Variants in FBXW7 observed in about 807,000 individuals in gnomAD.
FBXW7 encodes the protein F-box and WD repeat domain containing 7.
A neutral mutation model predicts 86.3 loss-of-function variants in FBXW7; 11 were observed. The observed-to-expected ratio is 0.13, with a 90% CI of 0.08 to 0.21. The LOEUF is 0.21. Among genes scored for constraint, FBXW7 ranks in the 10% least tolerant of loss-of-function variants. The probability of loss-of-function intolerance (pLI) is 1.00; values close to 1 mark genes in which losing one functional copy is unlikely to be tolerated. For synonymous variants in FBXW7, 313 were observed against 297.9 expected (o/e 1.05, Z -0.52); for missense variants, 488 against 847.4 (o/e 0.58, Z 5.27).
In FBXW7 at chr4:152,497,343, C is replaced by CACACA. The variant is rs769791117; in HGVS notation, c.-120+37597_-120+37598insTGTGT. Among the ~76,000 whole-genome samples the CACACA allele has an allele frequency of 5.8e-5, 5 of 86,938 alleles. No homozygotes were observed. In the East Asian group the frequency reaches 1.1e-3, roughly 19 times the overall value. The allele number at this position is 86,938 out of a possible 152,430, so 57.0% of individuals were successfully genotyped here. On this transcript the variant is annotated intron_variant, in intron 2 of 13. Coordinates refer to ENST00000281708, the MANE Select transcript of FBXW7 (RefSeq NM_001349798.2). The stretch of plus-strand genomic sequence containing the variant: ...TCTCAAAAAAAAAAAAAAAAAAAAA[C>CACACA]CACACACACACACACACACACACAC...
chr4:152,440,968 T>C (rs1214491020), intron 2 of FBXW7, among the ~76,000 whole-genome samples: 2 of 152,072 alleles, frequency 1.3e-5, no homozygotes, highest in Non-Finnish European at 2.9e-5. Context: ...CTAAGCGTCA[T>C]GTCTCTTCTA....
rs141165208 is a variant in FBXW7, at chr4:152,439,312, A to G, written c.-119-26783T>C. 1.7e-3 allele frequency among the ~76,000 whole-genome samples: 262 copies of G among 152,250 alleles called. 1 individual carries two copies. Among genetic ancestry groups the G allele is most frequent in the Admixed American group, 6.7e-3 (102 of 15,282 alleles). On this transcript the variant is annotated intron_variant, in intron 2 of 13. Coordinates refer to ENST00000281708, the MANE Select transcript of FBXW7 (RefSeq NM_001349798.2). Reference sequence around the variant, plus strand: ...ATTTACTAGTTTTCACAATTTCATCATAAGTAGAAATGAATGTTCTCGAGG... The same window carrying G: ...ATTTACTAGTTTTCACAATTTCATCGTAAGTAGAAATGAATGTTCTCGAGG...
intron 4 of FBXW7, among the ~76,000 whole-genome samples, chr4:152,358,263 G>A (rs1441948475): frequency 6.6e-6 from 1 of 152,054 alleles, no homozygotes; most frequent in Non-Finnish European, 1.5e-5. Context: ...CATGGAGAAA[G>A]AATGAAATCA....
At chr4:152,494,548 G>A (rs755204424) in intron 2 of FBXW7, among the ~76,000 whole-genome samples, 3 of 152,228 alleles carry the variant, frequency 2.0e-5, no homozygotes, top group South Asian at 2.1e-4. Flanking sequence ...TCTGATAACC[G>A]AGTTAATCCA....
At chr4:152,526,394 G>A (rs1490938857) in intron 2 of FBXW7, among the ~76,000 whole-genome samples, 3 of 151,700 alleles carry the variant, frequency 2.0e-5, no homozygotes, top group South Asian at 2.1e-4. Flanking sequence ...TTATTGTATT[G>A]GCCAATAAAA....
rs1315269957 is a variant in FBXW7 at position 152,322,664 on chromosome 4, G to C, written c.*217C>G. Reference sequence around the variant, plus strand: ...TCAAAAGTGAAGCCTTTTATGTGATGAGACAGCAGACGCCTCTCTTGTCAG... The same window carrying C: ...TCAAAAGTGAAGCCTTTTATGTGATCAGACAGCAGACGCCTCTCTTGTCAG... On this transcript the variant is annotated 3_prime_UTR_variant, in exon 14 of 14. Coordinates refer to ENST00000281708, the MANE Select transcript of FBXW7 (RefSeq NM_001349798.2). The C allele has an allele frequency of 7.1e-6, 5 of 708,096 alleles. No individual in the cohort carries two copies. Among genetic ancestry groups the C allele is most frequent in the African/African-American group, 3.6e-5 (2 of 56,006 alleles). The allele number at this position is 708,096 out of a possible 1,614,324, so 43.9% of individuals were successfully genotyped here. A position where few individuals can be genotyped will look rare whatever the true frequency, so the allele number is the denominator to read the frequency against.
At chr4:152,414,748 G>T (rs1381670338) in intron 2 of FBXW7, among the ~76,000 whole-genome samples, 2 of 151,844 alleles carry the variant, frequency 1.3e-5, no homozygotes, top group African/African-American at 2.4e-5. Flanking sequence ...CAAGGTAGTG[G>T]AAAGTCCAGA....
rs190967536 is a variant in FBXW7, at chr4:152,395,149, T to C, written c.501+16154A>G. ...AGACAACAAACTACACACCAGTGTTTTGCAAACTTCAGTTTACATGAAAAT... is the reference window on the plus strand; with the variant it reads ...AGACAACAAACTACACACCAGTGTTCTGCAAACTTCAGTTTACATGAAAAT... On this transcript the variant is annotated intron_variant, in intron 4 of 13. Transcript: ENST00000281708. Among the ~76,000 whole-genome samples the C allele has an allele frequency of 5.3e-5, 8 of 152,168 alleles. No homozygotes were observed. In the East Asian group the frequency reaches 1.5e-3, roughly 29 times the overall value.
At chr4:152,472,909 G>A (rs1464697020) in intron 2 of FBXW7, among the ~76,000 whole-genome samples, 1 of 151,890 alleles carries the variant, frequency 6.6e-6, no homozygotes, top group Non-Finnish European at 1.5e-5. Flanking sequence ...TTATATAAAG[G>A]TAAATTAAAT....
chr4:152,322,694 G>A lies in FBXW7; in HGVS notation c.*187C>T. The stretch of plus-strand genomic sequence containing the variant: ...AGCAGACGCCTCTCTTGTCAGTTAT[G>A]GTTTGTCATCTCTTCTTCTTTTCCT... On this transcript the variant is annotated 3_prime_UTR_variant, in exon 14 of 14. Coordinates refer to ENST00000281708, the MANE Select transcript of FBXW7 (RefSeq NM_001349798.2). 1 of 972,234 alleles carries A rather than the reference G, an allele frequency of 1.0e-6. No individual in the cohort carries two copies. 60.2% of individuals were successfully genotyped at this position (972,234 alleles called of 1,614,324 possible).
Position 152,328,295 on chromosome 4 carries a change from T to C in FBXW7, c.1331A>G (p.Lys444Arg), listed in dbSNP as rs2126514508. ...TTCTCCAGTCTCTGCATTCCACACT[T>C]TGAGTGTCCGATCTGTAGATCCACT... is the stretch of plus-strand genomic sequence containing the variant. ...IISGSTDRTL[K>R]VWNAETGECI... is the part of the protein sequence containing the mutation. The change falls in exon 11 of 14, where the codon AAA becomes AGA. Residue 444 changes from lysine to arginine, a missense_variant. By Grantham distance (26) the Lys-to-Arg change is conservative (BLOSUM62 2). This residue lies in a region of FBXW7 where 142 missense variants were observed against 406.6 expected (regional missense o/e 0.35). Coordinates refer to ENST00000281708, the MANE Select transcript of FBXW7 (RefSeq NM_001349798.2). 6.2e-7 allele frequency: 1 copy of C among 1,600,828 alleles called. No individual in the cohort carries two copies. Among genetic ancestry groups the C allele is most frequent in the Non-Finnish European group, 8.5e-7 (1 of 1,174,478 alleles).
At chr4:152,502,477 G>GT (rs1560975287) in intron 2 of FBXW7, among the ~76,000 whole-genome samples, 1 of 151,986 alleles carries the variant, frequency 6.6e-6, no homozygotes, top group Non-Finnish European at 1.5e-5. Context: ...ACTTAAATAC[G>GT]TTTTTCACAA....
At chr4:152,509,783 T>C (rs1747792424) in intron 2 of FBXW7, among the ~76,000 whole-genome samples, 1 of 152,174 alleles carries the variant, frequency 6.6e-6, no homozygotes, top group South Asian at 2.1e-4. Context: ...CCAAGAAAGT[T>C]AGGACTGTCA....
At chr4:152,500,496 CAAAAAAAAA>C (rs34375454) in intron 2 of FBXW7, among the ~76,000 whole-genome samples, 2 of 73,094 alleles carry the variant, frequency 2.7e-5, no homozygotes, top group Admixed American at 1.6e-4. Flanking sequence ...GCTTTGTCAG[CAAAAAAAAA>C]AAAAAAAAAA....
chr4:152,516,324 C>G (rs1341717938), intron 2 of FBXW7, among the ~76,000 whole-genome samples: 1 of 152,202 alleles, frequency 6.6e-6, no homozygotes, highest in Admixed American at 6.5e-5. Context: ...GTCAGATCAG[C>G]TGTGGCATTA....
intron 8 of FBXW7, among the ~76,000 whole-genome samples, chr4:152,332,057 A>T (rs1045455117): frequency 2.0e-5 from 3 of 152,020 alleles, no homozygotes; most frequent in Non-Finnish European, 2.9e-5. Flanking sequence ...TAGTATTTTT[A>T]TATTTTTTCA....
chr4:152,512,142 C>T (rs1158475773), intron 2 of FBXW7, among the ~76,000 whole-genome samples: 1 of 152,090 alleles, frequency 6.6e-6, no homozygotes, highest in Non-Finnish European at 1.5e-5. Flanking sequence ...TTTACTGATA[C>T]TTGTCTTTCT....
At chr4:152,417,515 G>A (rs112532751) in intron 2 of FBXW7, among the ~76,000 whole-genome samples, 2 of 152,086 alleles carry the variant, frequency 1.3e-5, no homozygotes, top group Non-Finnish European at 2.9e-5. Context: ...GAGGGATGGC[G>A]GCGGGGAGGA....
intron 2 of FBXW7, chr4:152,530,598 A>G (rs982730178): frequency 1.3e-5 from 2 of 152,388 alleles, no homozygotes; most frequent in East Asian, 3.9e-4. Context: ...CCATGAAGGC[A>G]AAAGTATTTT....
Sources: allele counts gnomAD v4.1 joint callset (sites outside exome capture counted in the v4.1 genomes callset), GRCh38; gene constraint gnomAD v4.1.1; regional missense constraint gnomAD v4.1.1; transcripts MANE v1.5; gene names NCBI Gene and HGNC (gene_info 2026-07-23, HGNC 2026-07-21).